Variants in ERP27 observed in about 807,000 individuals in gnomAD.
ERP27 encodes the protein endoplasmic reticulum protein 27, also known as endoplasmic reticulum resident protein 27.
In ERP27, 23 loss-of-function variants were observed where a neutral mutation model predicts 27.7. The ratio of observed to expected loss-of-function variants is 0.83; its 90% CI spans 0.60 to 1.18. ERP27 has a LOEUF of 1.18. Ranked by LOEUF, ERP27 falls within the 50% of genes most tolerant of loss-of-function variation. The pLI, the probability that ERP27 is intolerant of heterozygous loss-of-function variation, is 0.00. For synonymous variants in ERP27, 159 were observed against 118.3 expected (o/e 1.34, Z -2.23); for missense variants, 363 against 327.9 (o/e 1.11, Z -0.83).
intron 1 of ERP27, 113 bp downstream of exon 1, chr12:14,938,302 C>T (rs1863802858): frequency 1.7e-6 from 2 of 1,145,160 alleles, no homozygotes; most frequent in African/African-American, 1.5e-5. Context: ...TCCAGGATTT[C>T]CTGGAAAGCT....
chr12:14,938,501 G>C lies in ERP27; in HGVS notation c.8C>G (p.Ala3Gly). ...GAGGAACATGAACCTGGACGGGGCA[G>C]CTTCCATTGTCCCTCTCCTGCTCCT... is the stretch of plus-strand genomic sequence containing the variant. ME[A>G]APSRFMFLLF... Residue 3 changes from alanine (A) to glycine (G), a missense_variant, in exon 1 of 7, where the codon GCT (alanine) becomes GGT (glycine). By Grantham distance (60) the Ala-to-Gly change is moderately conservative. Transcript: ENST00000266397. The C allele has an allele frequency of 6.2e-7, 1 of 1,610,790 alleles. No homozygotes were observed.
chr12:14,929,651 A>G (rs538573011), intron 3 of ERP27, among the ~76,000 whole-genome samples: 2 of 152,330 alleles, frequency 1.3e-5, no homozygotes, highest in East Asian at 1.9e-4. Context: ...ACCTTAAAAC[A>G]TAATTTTGAG....
chr12:14,919,695 A>T (rs951456869), intron 4 of ERP27, among the ~76,000 whole-genome samples: 1 of 152,216 alleles, frequency 6.6e-6, no homozygotes, highest in Non-Finnish European at 1.5e-5. Flanking sequence ...AAGCAAGGGC[A>T]ACTACATAGG....
At chr12:14,927,909 T>C (rs1400000990) in intron 3 of ERP27, among the ~76,000 whole-genome samples, 1 of 152,186 alleles carries the variant, frequency 6.6e-6, no homozygotes, top group Non-Finnish European at 1.5e-5. Context: ...TCAGATATAT[T>C]GAAAGATAGG....
At chr12:14,930,287 TTGTC>T (rs1409411300) in intron 3 of ERP27, among the ~76,000 whole-genome samples, 2 of 152,236 alleles carry the variant, frequency 1.3e-5, no homozygotes, top group Non-Finnish European at 2.9e-5. Flanking sequence ...CTGATTCTCT[TTGTC>T]TGGTGAGGTA....
chr12:14,930,229 A>G (rs1475135655), intron 3 of ERP27, among the ~76,000 whole-genome samples: 1 of 152,174 alleles, frequency 6.6e-6, no homozygotes, highest in African/African-American at 2.4e-5. Flanking sequence ...ATAATCTGAC[A>G]TATCTTCTTG....
chr12:14,929,144 C>A (rs550275029), intron 3 of ERP27: 68 of 1,426,184 alleles, frequency 4.8e-5, no homozygotes, highest in South Asian at 1.6e-4. Flanking sequence ...AGAATCCCCC[C>A]CTCCCTGTAC....
intron 3 of ERP27, among the ~76,000 whole-genome samples, chr12:14,926,420 T>C (rs1450937015): frequency 6.6e-6 from 1 of 152,258 alleles, no homozygotes; most frequent in Non-Finnish European, 1.5e-5. Context: ...TGTCTTTTAA[T>C]TGGATTATTT....
In ERP27 at chr12:14,937,987, C is replaced by A; in HGVS notation, c.160G>T (p.Ala54Ser). ...TDVPAAMEFI[A>S]ATEVAVIGFF... ...CCTATGACAGCCACCTCAGTGGCAG[C>A]AATGAATTCCATGGCAGCTGGGACA... is the stretch of plus-strand genomic sequence containing the variant. The change falls in exon 2 of 7, where the codon GCT (alanine) becomes TCT (serine). Residue 54 changes from alanine to serine, a missense_variant. Ala to Ser is a moderately conservative substitution (Grantham distance 99). Transcript: ENST00000266397. 1 of 1,614,066 alleles carries A rather than the reference C, an allele frequency of 6.2e-7. No homozygotes were observed. Among genetic ancestry groups the A allele is most frequent in the East Asian group, 2.2e-5 (1 of 44,868 alleles).
At chr12:14,932,449 T>A (rs1231800992) in intron 3 of ERP27, among the ~76,000 whole-genome samples, 2 of 151,998 alleles carry the variant, frequency 1.3e-5, no homozygotes, top group Non-Finnish European at 2.9e-5. Flanking sequence ...CTAGGCAAAA[T>A]CATGGAATTG....
chr12:14,935,924 G>A (rs1177574179), intron 2 of ERP27, among the ~76,000 whole-genome samples: 6 of 152,086 alleles, frequency 3.9e-5, no homozygotes, highest in Non-Finnish European at 8.8e-5. Flanking sequence ...GTTTTGCCAT[G>A]TTGCCCAGGC....
intron 3 of ERP27, among the ~76,000 whole-genome samples, chr12:14,927,813 T>A (rs909595897): frequency 6.6e-6 from 1 of 151,796 alleles, no homozygotes; most frequent in Non-Finnish European, 1.5e-5. Context: ...TTTTAACTTT[T>A]AAAAATAGTC....
intron 3 of ERP27, among the ~76,000 whole-genome samples, chr12:14,933,861 T>C (rs1439468198): frequency 2.0e-5 from 3 of 152,204 alleles, no homozygotes; most frequent in East Asian, 3.8e-4. Context: ...CTACAGACTC[T>C]TAATACTTCT....
At chr12:14,915,892 A>G (rs1863403308) in intron 5 of ERP27, 1 of 550,356 alleles carries the variant, frequency 1.8e-6, no homozygotes. Context: ...GCTGGAGGCT[A>G]TTATCCTTAG....
intron 3 of ERP27, chr12:14,928,977 T>A: frequency 6.5e-7 from 1 of 1,535,360 alleles, no homozygotes; most frequent in Non-Finnish European, 8.7e-7. Context: ...TCCTTCATAC[T>A]TAAGGCTTTG....
At chr12:14,936,333 A>C (rs1215503264) in intron 2 of ERP27, among the ~76,000 whole-genome samples, 1 of 152,214 alleles carries the variant, frequency 6.6e-6, no homozygotes, top group African/African-American at 2.4e-5. Flanking sequence ...CTGTTCACGC[A>C]TTCAACTCTG....
rs118113743 is a variant in ERP27 at position 14,925,169 on chromosome 12, A to C, written c.334-4121T>G. Among the ~76,000 whole-genome samples, 1,009 of 152,280 alleles carry C rather than the reference A, an allele frequency of 6.6e-3. 5 individuals are homozygous for C. Among genetic ancestry groups the C allele is most frequent in the Non-Finnish European group, 0.01 (714 of 68,024 alleles). ...CACTTTACTCTGTGGACTCACCCTG[A>C]ATTCTTTCTTTCGCAAGATCCAATA... On this transcript the variant is annotated intron_variant, in intron 3 of 6. Transcript: ENST00000266397.
chr12:14,919,303 G>A (rs944376467), intron 4 of ERP27, among the ~76,000 whole-genome samples: 1 of 152,122 alleles, frequency 6.6e-6, no homozygotes, highest in Non-Finnish European at 1.5e-5. Flanking sequence ...CTAATAATAT[G>A]GAACTTAAAA....
At chr12:14,920,770 A>T (rs1863488896) in intron 4 of ERP27, among the ~76,000 whole-genome samples, 162 bp downstream of exon 4, 1 of 152,204 alleles carries the variant, frequency 6.6e-6, no homozygotes, top group Admixed American at 6.5e-5. Flanking sequence ...AACAGGAACA[A>T]GTTAAATCTT....
Sources: gnomAD v4.1 joint callset for allele counts (sites outside exome capture counted in the v4.1 genomes callset) on GRCh38, gnomAD v4.1.1 for gene constraint, MANE v1.5 for transcripts, NCBI Gene and HGNC (gene_info 2026-07-23, HGNC 2026-07-21) for gene names.